DDB2: variants seen among roughly 807,000 people sequenced by gnomAD.
The protein encoded by DDB2 is damage specific DNA binding protein 2.
A neutral mutation model predicts 50.5 loss-of-function variants in DDB2; 27 were observed. That is an observed-to-expected ratio of 0.53 (90% CI 0.39 to 0.74). The LOEUF is 0.74. DDB2 is among the 30% of genes least tolerant of loss of function. The probability of loss-of-function intolerance (pLI) is 0.00; values close to 1 mark genes in which losing one functional copy is unlikely to be tolerated. For missense variants in DDB2, 424 were observed against 545.6 expected (o/e 0.78, Z 2.22); for synonymous variants, 176 against 205.5 (o/e 0.86, Z 1.23).
chr11:47,224,249 A>G (rs1465913889), intron 3 of DDB2, among the ~76,000 whole-genome samples: 1 of 151,382 alleles, frequency 6.6e-6, no homozygotes, highest in Non-Finnish European at 1.5e-5. Flanking sequence ...TTCTTTTGAG[A>G]CAAAGTCTCA....
rs1953796292 is a variant in DDB2, at chr11:47,239,068, G to A, written c.*219G>A. Reference sequence around the variant, plus strand: ...CTGCTCCAGAGTTGGTGACACAGCTGTCCCAAGGGCCCCTCTGTATCTAGC... The same window carrying A: ...CTGCTCCAGAGTTGGTGACACAGCTATCCCAAGGGCCCCTCTGTATCTAGC... On this transcript the variant is annotated 3_prime_UTR_variant, in exon 10 of 10. Coordinates refer to ENST00000256996, the MANE Select transcript of DDB2 (RefSeq NM_000107.3). 2 of 558,594 alleles carry A rather than the reference G, an allele frequency of 3.6e-6. No homozygotes were observed. Among genetic ancestry groups the A allele is most frequent in the East Asian group, 6.0e-5 (2 of 33,342 alleles). The allele number at this position is 558,594 out of a possible 1,614,324, so 34.6% of individuals were successfully genotyped here.
At chr11:47,226,795 A>T (rs1232443071) in intron 3 of DDB2, among the ~76,000 whole-genome samples, 3 of 144,570 alleles carry the variant, frequency 2.1e-5, no homozygotes, top group African/African-American at 8.0e-5. Flanking sequence ...AGGCTGCAGT[A>T]CAGTGGCACA....
intron 3 of DDB2, 129 bp downstream of exon 3, chr11:47,217,178 C>G: frequency 1.3e-6 from 1 of 744,426 alleles, no homozygotes; most frequent in South Asian, 1.5e-5. Flanking sequence ...GAGTTTGAGA[C>G]CAGCCTGGCC....
rs34243882 is a variant in DDB2 at position 47,227,099 on chromosome 11, C to CTTTTTTTT, written c.457-5698_457-5691dup. 5.2e-3 allele frequency among the ~76,000 whole-genome samples: 168 copies of CTTTTTTTT among 32,144 alleles called. 21 individuals carry two copies. Among genetic ancestry groups the CTTTTTTTT allele is most frequent in the Middle Eastern group, 0.056 (1 of 18 alleles). 21.1% of individuals were successfully genotyped at this position (32,144 alleles called of 152,430 possible). ...TTCTTTATATATTCTGGATATTAAC[C>CTTTTTTTT]TTTTTTTTTTTTTTTTTTTTTTTTG... On this transcript the variant is annotated intron_variant, in intron 3 of 9. Transcript: ENST00000256996.
chr11:47,216,190 T>C (rs1953397695), intron 1 of DDB2, 146 bp from the exon 2 acceptor site: 1 of 1,208,380 alleles, frequency 8.3e-7, no homozygotes, highest in Admixed American at 1.7e-5. Flanking sequence ...TGGTGCTCGT[T>C]GAGACCACAC....
At position 47,234,851 on chromosome 11, in the gene DDB2, CAG is replaced by C. The variant is rs1953701400; in HGVS notation, c.798_799del (p.Val267GlufsTer9). 1 of 1,614,174 alleles carries C rather than the reference CAG, an allele frequency of 6.2e-7. No individual in the cohort carries two copies. Among genetic ancestry groups the C allele is most frequent in the Non-Finnish European group, 8.5e-7 (1 of 1,180,036 alleles). On this transcript the variant is annotated frameshift_variant, in exon 6 of 10. Coordinates refer to ENST00000256996, the MANE Select transcript of DDB2 (RefSeq NM_000107.3). LOFTEE classifies it high-confidence loss of function. ...CTGGCCACAGCCTCCGTAGATCAAA[CAG>C]TGAAAATTTGGGACCTGCGCCAGGT...
In DDB2 at chr11:47,234,635, T is replaced by TG; in HGVS notation, c.669dup (p.Asn224GlufsTer32). 6.2e-7 allele frequency: 1 copy of TG among 1,614,066 alleles called. No individual in the cohort carries two copies. Among genetic ancestry groups the TG allele is most frequent in the Non-Finnish European group, 8.5e-7 (1 of 1,179,996 alleles). On this transcript the variant is annotated frameshift_variant, in exon 5 of 10. Coordinates refer to ENST00000256996, the MANE Select transcript of DDB2 (RefSeq NM_000107.3). LOFTEE classifies it high-confidence loss of function. ...CGAATGGTGGTCACAGGAGACAACG[T>TG]GGGGAACGTGATCCTGCTGAACATG... is the stretch of plus-strand genomic sequence containing the variant.
In DDB2 at chr11:47,234,870, G is replaced by C. The variant is rs1018454192; in HGVS notation, c.816G>C (p.Leu272=). The C allele has an allele frequency of 5.0e-6, 8 of 1,614,186 alleles. No individual in the cohort carries two copies. Among genetic ancestry groups the C allele is most frequent in the Non-Finnish European group, 5.9e-6 (7 of 1,180,040 alleles). The change falls in exon 6 of 10, where the codon CTG becomes CTC. Residue 272 remains leucine (L), a synonymous_variant. Transcript: ENST00000256996. ...ATCAAACAGTGAAAATTTGGGACCTGCGCCAGGTTAGAGGGAAAGCCAGCT... is the reference window on the plus strand; with the variant it reads ...ATCAAACAGTGAAAATTTGGGACCTCCGCCAGGTTAGAGGGAAAGCCAGCT... ...SVDQTVKIWD[L]RQVRGKASFL...
chr11:47,214,602 A>AAG (rs377410821), upstream of DDB2: 69 of 159,966 alleles, frequency 4.3e-4, no homozygotes, highest in East Asian at 7.0e-4. Flanking sequence ...AAAAGAAAAA[A>AAG]AGAGAGAGAG....
At chr11:47,235,542 G>A (rs1953714248) in intron 7 of DDB2, 130 bp downstream of exon 7, 3 of 945,288 alleles carry the variant, frequency 3.2e-6, no homozygotes, top group Admixed American at 2.0e-5. Flanking sequence ...CGAGCACAGA[G>A]CATCTCTTAC....
chr11:47,216,248 C>G (rs748705423), intron 1 of DDB2, 88 bp from the exon 2 acceptor site: 43 of 1,595,662 alleles, frequency 2.7e-5, no homozygotes, highest in Non-Finnish European at 3.4e-5. Context: ...TTAACCGTGC[C>G]GAATGAAACA....
intron 3 of DDB2, chr11:47,217,452 T>C (rs1476262189): frequency 6.5e-6 from 1 of 154,614 alleles, no homozygotes; most frequent in Non-Finnish European, 1.4e-5. Context: ...GGAATATTGA[T>C]GTCATCCAGT....
intron 3 of DDB2, among the ~76,000 whole-genome samples, chr11:47,226,437 C>T (rs1039288601): frequency 6.6e-6 from 1 of 152,052 alleles, no homozygotes; most frequent in Non-Finnish European, 1.5e-5. Flanking sequence ...CCATGCCCGG[C>T]TAATTTTTGT....
At chr11:47,216,535 C>T (rs1008710405) in intron 2 of DDB2, 63 bp downstream of exon 2, 16 of 1,605,192 alleles carry the variant, frequency 1.0e-5, no homozygotes, top group Admixed American at 6.7e-5. Flanking sequence ...ATTGCATGCT[C>T]CCAAATTAGA....
chr11:47,231,502 C>A (rs940898849), intron 3 of DDB2, among the ~76,000 whole-genome samples: 5 of 152,142 alleles, frequency 3.3e-5, no homozygotes, highest in Admixed American at 1.3e-4. Flanking sequence ...AATTCATTTA[C>A]ATGACATTCT....
At chr11:47,226,259 C>T (rs527436250) in intron 3 of DDB2, among the ~76,000 whole-genome samples, 2 of 151,714 alleles carry the variant, frequency 1.3e-5, no homozygotes, top group South Asian at 2.1e-4. Flanking sequence ...TTCTCTACTT[C>T]CCCACCAACA....
intron 3 of DDB2, among the ~76,000 whole-genome samples, chr11:47,222,632 C>T (rs539431583): frequency 6.6e-6 from 1 of 152,230 alleles, no homozygotes; most frequent in Admixed American, 6.5e-5. Flanking sequence ...AGGCGTGAGC[C>T]CCTGCACCCA....
At position 47,217,050 on chromosome 11, in the gene DDB2, G is replaced by A. The variant is rs1202526843; in HGVS notation, c.456+1G>A. ...GGACAAACCCACCTTCATCAAAGGG[G>A]TGAGCAGTTCCCCATGCCAGGTCGT... On this transcript the variant is annotated splice_donor_variant, in intron 3 of 9. Coordinates refer to ENST00000256996, the MANE Select transcript of DDB2 (RefSeq NM_000107.3). LOFTEE classifies it high-confidence loss of function. 6.2e-7 allele frequency: 1 copy of A among 1,613,340 alleles called. No individual in the cohort carries two copies. Among genetic ancestry groups the A allele is most frequent in the Non-Finnish European group, 8.5e-7 (1 of 1,179,440 alleles).
chr11:47,214,859 T>C (rs1173884787), upstream of DDB2: 4 of 505,144 alleles, frequency 7.9e-6, no homozygotes, highest in East Asian at 1.4e-4. Flanking sequence ...CCTGGCGCAG[T>C]TCCCGCCCCT....
Sources: allele counts gnomAD v4.1 joint callset (sites outside exome capture counted in the v4.1 genomes callset), GRCh38; gene constraint gnomAD v4.1.1; transcripts MANE v1.5; gene names NCBI Gene and HGNC (gene_info 2026-07-23, HGNC 2026-07-21).